Variants in TMEM64 observed in about 807,000 individuals in gnomAD.
The protein encoded by TMEM64 is transmembrane protein 64.
A neutral mutation model predicts 24.5 loss-of-function variants in TMEM64; 19 were observed. The observed-to-expected ratio is 0.78, with a 90% CI of 0.54 to 1.14. The LOEUF is 1.14. TMEM64 is among the 50% of genes most tolerant of loss of function. TMEM64 has a pLI of 0.00. For synonymous variants in TMEM64, 262 were observed against 224.7 expected, an observed-to-expected ratio of 1.17 and a Z score of -1.49; for missense variants, 487 against 493.0, an observed-to-expected ratio of 0.99 and a Z score of 0.12.
intron 1 of TMEM64, among the ~76,000 whole-genome samples, chr8:90,643,900 AAG>A (rs1809645177): frequency 6.6e-6 from 1 of 152,228 alleles, no homozygotes; most frequent in Admixed American, 6.5e-5. Context: ...GCTTGGAATC[AAG>A]AGGTTTGCAA....
In TMEM64 at chr8:90,645,499, GA is replaced by G; in HGVS notation, c.406del (p.Ser136ProfsTer62). 6.4e-7 allele frequency: 1 copy of G among 1,550,876 alleles called. No individual in the cohort carries two copies. The highest frequency in any genetic ancestry group is 8.7e-7 in the Non-Finnish European group (1 of 1,146,986). On this transcript the variant is annotated frameshift_variant, in exon 1 of 3. Transcript: ENST00000458549. LOFTEE classifies it high-confidence loss of function. The surrounding 1 kb of genome is among the most constrained non-coding windows in gnomAD (Gnocchi z 4.2). The part of the protein sequence containing the change: ...VCVLAALCFA[S>X]LALVRRYLHH... ...AAGGTAGCGGCGGACCAGGGCCAGG[GA>G]AGCGAAGCACAGGGCGGCCAACACG... is the stretch of plus-strand genomic sequence containing the variant.
intron 1 of TMEM64, among the ~76,000 whole-genome samples, chr8:90,642,852 C>G (rs1178094276): frequency 6.6e-6 from 1 of 152,148 alleles, no homozygotes; most frequent in African/African-American, 2.4e-5. Context: ...TGAAGAAGTT[C>G]CTGGATGGTT....
chr8:90,625,630 A>G lies in TMEM64; in HGVS notation c.*41T>C. On this transcript the variant is annotated 3_prime_UTR_variant, in exon 3 of 3. Coordinates refer to ENST00000458549, the MANE Select transcript of TMEM64 (RefSeq NM_001008495.4). ...TAGTGAAGTGACTGCTAGACCTTAG[A>G]TAGCACACTAGGCTCTTGACAATCA... is the stretch of plus-strand genomic sequence containing the variant. 6.4e-7 allele frequency: 1 copy of G among 1,550,464 alleles called. No homozygotes were observed. Among genetic ancestry groups the G allele is most frequent in the Non-Finnish European group, 8.8e-7 (1 of 1,130,438 alleles).
rs1398036928 is a variant in TMEM64 at position 90,645,096 on chromosome 8, C to A, written c.795+15G>T. ...ACAGACTTGGAGAGGGATAGGCCAG[C>A]GGGACCCCACTTACCGAAAACACTG... On this transcript the variant is annotated intron_variant, in intron 1 of 2. Transcript: ENST00000458549. This position sits in a 1 kb window ranked among gnomAD's most constrained non-coding sequence, Gnocchi z 4.2. 1.9e-6 allele frequency: 3 copies of A among 1,590,066 alleles called. No homozygotes were observed. The highest frequency in any genetic ancestry group is 2.6e-6 in the Non-Finnish European group (3 of 1,164,444).
In TMEM64 at chr8:90,622,973, T is replaced by C. The variant is rs1171397298; in HGVS notation, c.*2698A>G. ...TCAGATGATCAAATAAAAATGGACA[T>C]GAATATGCTTAGTAAATTAGCATAT... On this transcript the variant is annotated 3_prime_UTR_variant, in exon 3 of 3. Transcript: ENST00000458549. 6.6e-6 allele frequency: 1 copy of C among 152,142 alleles called. No homozygotes were observed. Among genetic ancestry groups the C allele is most frequent in the African/African-American group, 2.4e-5 (1 of 41,412 alleles). The allele number at this position is 152,142 out of a possible 1,614,324, so 9.4% of individuals were successfully genotyped here. A position where few individuals can be genotyped will look rare whatever the true frequency, so the allele number is the denominator to read the frequency against.
intron 1 of TMEM64, among the ~76,000 whole-genome samples, chr8:90,632,160 T>C (rs2130500108): frequency 1.3e-5 from 2 of 152,348 alleles, no homozygotes; most frequent in South Asian, 4.1e-4. Flanking sequence ...TGTTTTGCTT[T>C]GTCTGGATCA....
intron 2 of TMEM64, among the ~76,000 whole-genome samples, chr8:90,627,288 G>A (rs1007802252): frequency 3.3e-5 from 5 of 152,116 alleles, no homozygotes; most frequent in African/African-American, 9.7e-5. Context: ...GCCATTAAAT[G>A]AGTACCCATC....
In TMEM64 at chr8:90,625,599, G is replaced by T; in HGVS notation, c.*72C>A. The T allele has an allele frequency of 1.7e-6, 2 of 1,206,186 alleles. No homozygotes were observed. Among genetic ancestry groups the T allele is most frequent in the South Asian group, 1.7e-5 (1 of 58,418 alleles). The allele number at this position is 1,206,186 out of a possible 1,614,324, so 74.7% of individuals were successfully genotyped here. ...TGTAATACAATTAGAACTTGTCTCT[G>T]CCCACTAGTGAAGTGACTGCTAGAC... On this transcript the variant is annotated 3_prime_UTR_variant, in exon 3 of 3. Coordinates refer to ENST00000458549, the MANE Select transcript of TMEM64 (RefSeq NM_001008495.4).
At chr8:90,633,147 C>A (rs1004292921) in intron 1 of TMEM64, among the ~76,000 whole-genome samples, 9 of 152,128 alleles carry the variant, frequency 5.9e-5, no homozygotes, top group Non-Finnish European at 1.0e-4. Flanking sequence ...CAGGCAAGAG[C>A]AGAAGTGAGG....
chr8:90,645,878 G>C lies in TMEM64; in HGVS notation c.28C>G (p.Gln10Glu). ...TGCTGCAGCAGCCGGGGCAGCGCCT[G>C]GAGCAGGATCCCGCCCGGGCTCCGC... Reference protein sequence around the residue: MRSPGGILLQALPRLLQHAA... With the variant: MRSPGGILLEALPRLLQHAA... The change falls in exon 1 of 3, where the codon CAG becomes GAG. Residue 10 changes from glutamine to glutamate, a missense_variant. Gln to Glu is a conservative substitution (Grantham distance 29). Around this residue, in one of 3 missense-constraint regions of TMEM64, gnomAD observed 419 missense variants for 407.5 expected, o/e 1.03. Transcript: ENST00000458549. The surrounding 1 kb of genome is among the most constrained non-coding windows in gnomAD (Gnocchi z 4.2). 1 of 1,138,622 alleles carries C rather than the reference G, an allele frequency of 8.8e-7. No homozygotes were observed. The highest frequency in any genetic ancestry group is 1.1e-6 in the Non-Finnish European group (1 of 928,268). 70.5% of individuals were successfully genotyped at this position (1,138,622 alleles called of 1,614,324 possible).
intron 2 of TMEM64, among the ~76,000 whole-genome samples, chr8:90,629,443 T>C (rs1393841041): frequency 6.6e-6 from 1 of 152,164 alleles, no homozygotes; most frequent in Non-Finnish European, 1.5e-5. Flanking sequence ...TGAGGGATTC[T>C]AATTACTCAA....
At chr8:90,636,968 T>C (rs1809527623) in intron 1 of TMEM64, among the ~76,000 whole-genome samples, 1 of 152,198 alleles carries the variant, frequency 6.6e-6, no homozygotes, top group Non-Finnish European at 1.5e-5. Context: ...AGAAGCACTA[T>C]AAAATTATAT....
chr8:90,627,295 C>T (rs1243870656), intron 2 of TMEM64, among the ~76,000 whole-genome samples: 2 of 152,016 alleles, frequency 1.3e-5, no homozygotes, highest in Admixed American at 6.6e-5. Context: ...AATGAGTACC[C>T]ATCACTCAGT....
chr8:90,636,974 T>G (rs1809527669), intron 1 of TMEM64, among the ~76,000 whole-genome samples: 1 of 152,178 alleles, frequency 6.6e-6, no homozygotes, highest in African/African-American at 2.4e-5. Flanking sequence ...ACTATAAAAT[T>G]ATATATCCTC....
chr8:90,634,120 A>G (rs1327464042), intron 1 of TMEM64, among the ~76,000 whole-genome samples: 2 of 152,062 alleles, frequency 1.3e-5, no homozygotes, highest in African/African-American at 4.8e-5. Context: ...TTTAGCATTC[A>G]CCACTTATTC....
intron 1 of TMEM64, among the ~76,000 whole-genome samples, chr8:90,636,106 A>G (rs1297142887): frequency 1.3e-5 from 2 of 152,230 alleles, no homozygotes; most frequent in Non-Finnish European, 2.9e-5. Context: ...ATGCATACAT[A>G]TAATTTTAGT....
intron 2 of TMEM64, among the ~76,000 whole-genome samples, chr8:90,626,891 G>C (rs1034759995): frequency 6.6e-6 from 1 of 152,058 alleles, no homozygotes; most frequent in Non-Finnish European, 1.5e-5. Context: ...GCCTCCCAAA[G>C]TGCTGGGATT....
intron 1 of TMEM64, among the ~76,000 whole-genome samples, chr8:90,636,097 T>A (rs1291489082): frequency 2.6e-5 from 4 of 152,226 alleles, no homozygotes; most frequent in African/African-American, 4.8e-5. Context: ...AGTGTTACTA[T>A]GCATACATAT....
At chr8:90,627,413 G>A (rs1809375888) in intron 2 of TMEM64, among the ~76,000 whole-genome samples, 1 of 127,590 alleles carries the variant, frequency 7.8e-6, no homozygotes. Context: ...AAACTCCTAA[G>A]TTTGCTATGT....
Sources: allele counts gnomAD v4.1 joint callset (sites outside exome capture counted in the v4.1 genomes callset), GRCh38; gene constraint gnomAD v4.1.1; regional missense constraint gnomAD v4.1.1; non-coding constraint Gnocchi (gnomAD v3.1); transcripts MANE v1.5; gene names NCBI Gene and HGNC (gene_info 2026-07-23, HGNC 2026-07-21).